ARHGAP39: variants seen among roughly 807,000 people sequenced by gnomAD.
ARHGAP39 encodes the protein rho GTPase-activating protein 39.
Under a neutral mutation model 106.9 loss-of-function variants are expected in ARHGAP39, and 44 were observed. The ratio of observed to expected loss-of-function variants is 0.41; its 90% CI spans 0.32 to 0.53. The LOEUF (loss-of-function observed/expected upper bound fraction) is 0.53. ARHGAP39 is among the 20% of genes least tolerant of loss of function. ARHGAP39 has a pLI of 0.21. For synonymous variants in ARHGAP39, 768 were observed against 693.2 expected (o/e 1.11, Z -1.69); for missense variants, 1,496 against 1,577.3 (o/e 0.95, Z 0.87).
intron 6 of ARHGAP39, among the ~76,000 whole-genome samples, chr8:144,539,924 CAAA>C (rs959521044): frequency 6.6e-6 from 1 of 151,796 alleles, no homozygotes; most frequent in African/African-American, 2.4e-5. Flanking sequence ...ATTTCTAAAA[CAAA>C]AAAAAGTGGT....
At chr8:144,543,657 G>A (rs906284044) in intron 6 of ARHGAP39, among the ~76,000 whole-genome samples, 5 of 152,240 alleles carry the variant, frequency 3.3e-5, no homozygotes, top group African/African-American at 1.2e-4. Context: ...CTTTTTCCAT[G>A]CAGGCCAGGA....
chr8:144,648,049 C>G (rs1042665531), intron 1 of ARHGAP39, among the ~76,000 whole-genome samples: 1 of 152,178 alleles, frequency 6.6e-6, no homozygotes, highest in Non-Finnish European at 1.5e-5. Flanking sequence ...CAATGGGGGA[C>G]CTGTGACCTC....
chr8:144,697,079 C>T, the ARHGAP39 span, among the ~76,000 whole-genome samples: 2 of 152,164 alleles, frequency 1.3e-5, no homozygotes, highest in Non-Finnish European at 1.5e-5. Flanking sequence ...AATCCCAGCA[C>T]TTTGGGAGGC....
At chr8:144,538,484 C>T (rs111951566) in intron 6 of ARHGAP39, among the ~76,000 whole-genome samples, 38 of 152,240 alleles carry the variant, frequency 2.5e-4, no homozygotes, top group African/African-American at 8.7e-4. Context: ...TGGATATGTA[C>T]GTAAATTATT....
intron 1 of ARHGAP39, among the ~76,000 whole-genome samples, chr8:144,636,979 G>A (rs1821186556): frequency 6.6e-6 from 1 of 152,330 alleles, no homozygotes; most frequent in East Asian, 1.9e-4. Flanking sequence ...TGCAATCTGT[G>A]TCTTTCTGGA....
chr8:144,649,921 G>T (rs1488596042), intron 1 of ARHGAP39, among the ~76,000 whole-genome samples: 1 of 152,040 alleles, frequency 6.6e-6, no homozygotes, highest in African/African-American at 2.4e-5. Flanking sequence ...AAGGTAGGCG[G>T]ATCACAAGGT....
At chr8:144,599,245 A>C (rs369870070) in intron 2 of ARHGAP39, among the ~76,000 whole-genome samples, 1 of 152,248 alleles carries the variant, frequency 6.6e-6, no homozygotes, top group African/African-American at 2.4e-5. Flanking sequence ...TTGTAATTGC[A>C]GAATATGCGA....
intron 1 of ARHGAP39, among the ~76,000 whole-genome samples, chr8:144,680,192 G>A (rs770346596): frequency 7.2e-5 from 11 of 152,114 alleles, no homozygotes; most frequent in African/African-American, 1.9e-4. Context: ...CACTGAGTAC[G>A]GTTCAGCTAG....
chr8:144,657,148 C>A (rs959785618), intron 1 of ARHGAP39, among the ~76,000 whole-genome samples: 1 of 151,868 alleles, frequency 6.6e-6, no homozygotes, highest in Non-Finnish European at 1.5e-5. Flanking sequence ...AATTCCAGCA[C>A]TTTTGCAGGC....
intron 6 of ARHGAP39, among the ~76,000 whole-genome samples, chr8:144,538,544 T>C (rs1176081889): frequency 6.6e-6 from 1 of 152,180 alleles, no homozygotes; most frequent in Non-Finnish European, 1.5e-5. Flanking sequence ...GAATTACTCA[T>C]TTATATCAGT....
intron 1 of ARHGAP39, among the ~76,000 whole-genome samples, chr8:144,650,748 C>T (rs1171573310): frequency 6.6e-6 from 1 of 152,120 alleles, no homozygotes; most frequent in Admixed American, 6.6e-5. Flanking sequence ...ATTGAAGGAA[C>T]ATACCTCAAA....
chr8:144,640,401 C>T (rs555969124), intron 1 of ARHGAP39, among the ~76,000 whole-genome samples: 2 of 152,128 alleles, frequency 1.3e-5, no homozygotes, highest in South Asian at 2.1e-4. Context: ...ATGAGTCTCA[C>T]GAGATCTGAT....
chr8:144,620,612 T>TGTGA (rs1329115202), intron 1 of ARHGAP39, among the ~76,000 whole-genome samples: 2 of 152,238 alleles, frequency 1.3e-5, no homozygotes, highest in Non-Finnish European at 2.9e-5. Flanking sequence ...AGTACGTGTG[T>TGTGA]GTGAGTGCAT....
the ARHGAP39 span, among the ~76,000 whole-genome samples, chr8:144,697,196 A>T: frequency 1.3e-4 from 19 of 151,864 alleles, no homozygotes; most frequent in Non-Finnish European, 2.6e-4. Context: ...GCATGATGGC[A>T]TGCGCCTGTA....
chr8:144,646,297 C>T lies in ARHGAP39; in HGVS notation c.-82+39389G>A, dbSNP rs148348179. Among the ~76,000 whole-genome samples, 52 of 152,218 alleles carry T rather than the reference C, an allele frequency of 3.4e-4. No homozygotes were observed. Among genetic ancestry groups the T allele is most frequent in the African/African-American group, 1.2e-3 (49 of 41,528 alleles). ...CCCCAAACAGGAGTGAGAACAAGGG[C>T]GCCTGTGTTGTTTCATCGGCAATAA... On this transcript the variant is annotated intron_variant, in intron 1 of 11. Coordinates refer to ENST00000377307, the MANE Select transcript of ARHGAP39 (RefSeq NM_025251.3). The surrounding 1 kb of genome is among the most constrained non-coding windows in gnomAD (Gnocchi z 5.7).
chr8:144,603,377 G>A (rs1820154494), intron 2 of ARHGAP39, among the ~76,000 whole-genome samples: 1 of 152,080 alleles, frequency 6.6e-6, no homozygotes, highest in South Asian at 2.1e-4. Context: ...GTGTACATGT[G>A]CATACTCCTG....
At chr8:144,637,965 G>A (rs561554432) in intron 1 of ARHGAP39, among the ~76,000 whole-genome samples, 4 of 151,792 alleles carry the variant, frequency 2.6e-5, no homozygotes, top group Non-Finnish European at 5.9e-5. Flanking sequence ...AAAGTGCTGC[G>A]ATAACAGGCA....
chr8:144,636,704 G>C (rs1821180329), intron 1 of ARHGAP39, among the ~76,000 whole-genome samples: 1 of 152,174 alleles, frequency 6.6e-6, no homozygotes, highest in African/African-American at 2.4e-5. Context: ...AAGGACCAAG[G>C]TGGTTCCCAG....
intron 1 of ARHGAP39, among the ~76,000 whole-genome samples, chr8:144,624,096 G>A (rs1463431931): frequency 1.3e-5 from 2 of 152,180 alleles, no homozygotes; most frequent in Non-Finnish European, 2.9e-5. Flanking sequence ...CCAGCACGCA[G>A]GCCTCCCGAA....
Sources: gnomAD v4.1 joint callset for allele counts (sites outside exome capture counted in the v4.1 genomes callset) on GRCh38, gnomAD v4.1.1 for gene constraint, Gnocchi (gnomAD v3.1) non-coding constraint, MANE v1.5 for transcripts, NCBI Gene and HGNC (gene_info 2026-07-23, HGNC 2026-07-21) for gene names.